GLRX3: variants seen among roughly 807,000 people sequenced by gnomAD.
GLRX3 encodes glutaredoxin 3.
Under a neutral mutation model 49.5 loss-of-function variants are expected in GLRX3, and 22 were observed. That is an observed-to-expected ratio of 0.44 (90% CI 0.32 to 0.63). GLRX3 has a LOEUF of 0.63. GLRX3 is among the 30% of genes least tolerant of loss of function. The pLI, the probability that GLRX3 is intolerant of heterozygous loss-of-function variation, is 0.05. For synonymous variants in GLRX3, 133 were observed against 140.0 expected (o/e 0.95, Z 0.35); for missense variants, 385 against 396.3 (o/e 0.97, Z 0.24).
At chr10:130,177,077 T>G (rs180690488) in intron 10 of GLRX3, among the ~76,000 whole-genome samples, 31 of 152,332 alleles carry the variant, frequency 2.0e-4, no homozygotes, top group Non-Finnish European at 3.8e-4. Context: ...TGAGAAGATA[T>G]ATGGAATAGA....
chr10:130,170,864 T>A (rs1862792667), intron 7 of GLRX3, among the ~76,000 whole-genome samples: 1 of 152,190 alleles, frequency 6.6e-6, no homozygotes, highest in African/African-American at 2.4e-5. Context: ...CTGGATGCGG[T>A]AGCTCATGCC....
chr10:130,175,474 A>G (rs1862898826), intron 10 of GLRX3, among the ~76,000 whole-genome samples: 1 of 152,204 alleles, frequency 6.6e-6, no homozygotes, highest in Non-Finnish European at 1.5e-5. Context: ...GGTGCTGCCC[A>G]TCCTTGCCAC....
rs1862703795 is a variant in GLRX3 at position 130,166,969 on chromosome 10, A to G, written c.702A>G (p.Lys234=). The change falls in exon 6 of 11, where the codon AAA becomes AAG. Residue 234 remains lysine (K), a synonymous_variant. Transcript: ENST00000331244. ...ATACAATTTGTCCCAAAGCTCCCAA[A>G]TTAGAGGAAAGGTAAGTGTTTTAGA... The part of the protein sequence containing the change: ...ELDTICPKAP[K]LEERLKVLTN... 1.9e-6 allele frequency: 3 copies of G among 1,581,446 alleles called. No individual in the cohort carries two copies. Among genetic ancestry groups the G allele is most frequent in the Non-Finnish European group, 2.6e-6 (3 of 1,157,546 alleles).
intron 2 of GLRX3, among the ~76,000 whole-genome samples, chr10:130,150,361 G>C (rs542272273): frequency 7.9e-5 from 12 of 152,172 alleles, no homozygotes; most frequent in Admixed American, 3.3e-4. Context: ...CATCCTGCTA[G>C]GCCATAGTAT....
chr10:130,160,902 A>G lies in GLRX3; in HGVS notation c.383A>G (p.His128Arg), dbSNP rs534630759. The change falls in exon 4 of 11, where the codon CAT becomes CGT. Residue 128 changes from histidine to arginine, a missense_variant. By Grantham distance (29) the His-to-Arg change is conservative (BLOSUM62 0). This residue lies in a region of GLRX3 where 374 missense variants were observed against 358.6 expected (regional missense o/e 1.04). Coordinates refer to ENST00000331244, the MANE Select transcript of GLRX3 (RefSeq NM_006541.5). ...TCCTTCCTACCCAGCGCTAATGAAC[A>G]TCTTAAAGAAGATCTCAACCTTCGC... ...SGSFLPSANE[H>R]LKEDLNLRLK... 7.4e-6 allele frequency: 12 copies of G among 1,613,334 alleles called. No individual in the cohort carries two copies. The East Asian group carries it at 2.2e-4, about 30-fold the overall frequency.
At position 130,169,416 on chromosome 10, in the gene GLRX3, C is replaced by T; in HGVS notation, c.714-17C>T. On this transcript the variant is annotated splice_polypyrimidine_tract_variant and intron_variant, in intron 6 of 10. Transcript: ENST00000331244. ...ATAATTGAGCTGAGCCGTTTTATAT[C>T]AATTTTCTCTCTTTAGGCTCAAAGT... 1 of 1,581,516 alleles carries T rather than the reference C, an allele frequency of 6.3e-7. No individual in the cohort carries two copies. The highest frequency in any genetic ancestry group is 8.7e-7 in the Non-Finnish European group (1 of 1,150,344).
intron 4 of GLRX3, among the ~76,000 whole-genome samples, chr10:130,161,517 TC>T (rs1422874731): frequency 6.6e-6 from 1 of 152,240 alleles, no homozygotes; most frequent in Non-Finnish European, 1.5e-5. Flanking sequence ...ATGATTCTCT[TC>T]CTGCATTGCT....
chr10:130,168,796 C>T (rs1446274706), intron 6 of GLRX3, among the ~76,000 whole-genome samples: 2 of 152,128 alleles, frequency 1.3e-5, no homozygotes, highest in Non-Finnish European at 2.9e-5. Context: ...TGGCGTGACC[C>T]CATGGGGCTT....
At chr10:130,165,443 G>C (rs1350157785) in intron 4 of GLRX3, among the ~76,000 whole-genome samples, 1 of 151,990 alleles carries the variant, frequency 6.6e-6, no homozygotes, top group African/African-American at 2.4e-5. Flanking sequence ...TGTCACAAAA[G>C]TATAATAAAA....
intron 10 of GLRX3, among the ~76,000 whole-genome samples, chr10:130,178,205 C>G (rs1338176986): frequency 6.6e-6 from 1 of 152,154 alleles, no homozygotes; most frequent in Non-Finnish European, 1.5e-5. Context: ...GGGAGGGGAA[C>G]AAGCATCATA....
In GLRX3 at chr10:130,175,448, G is replaced by A. The variant is rs574953868; in HGVS notation, c.957+359G>A. Reference sequence around the variant, plus strand: ...CTTGGGTGCATGGAGTGACAGCAGTGTGAGGCCTGTGGCCCGGTGCTGCCC... The same window carrying A: ...CTTGGGTGCATGGAGTGACAGCAGTATGAGGCCTGTGGCCCGGTGCTGCCC... On this transcript the variant is annotated intron_variant, in intron 10 of 10. Coordinates refer to ENST00000331244, the MANE Select transcript of GLRX3 (RefSeq NM_006541.5). 5.3e-5 allele frequency among the ~76,000 whole-genome samples: 8 copies of A among 152,336 alleles called. No homozygotes were observed. The East Asian group carries it at 1.5e-3, about 29-fold the overall frequency.
At position 130,166,495 on chromosome 10, in the gene GLRX3, T is replaced by C; in HGVS notation, c.479-12T>C. ...GAGAAGTTAAGTGCTTTATTTCTTT[T>C]TTTGTGTACAGGTTTCAGCAAGCAG... On this transcript the variant is annotated splice_polypyrimidine_tract_variant and intron_variant, in intron 4 of 10. Transcript: ENST00000331244. 1 of 1,606,974 alleles carries C rather than the reference T, an allele frequency of 6.2e-7. No individual in the cohort carries two copies. Among genetic ancestry groups the C allele is most frequent in the Non-Finnish European group, 8.5e-7 (1 of 1,174,152 alleles).
At chr10:130,176,774 T>TCTC (rs374416663) in intron 10 of GLRX3, among the ~76,000 whole-genome samples, 10 of 111,002 alleles carry the variant, frequency 9.0e-5, no homozygotes, top group African/African-American at 1.9e-4. Flanking sequence ...CCCTCCCTCT[T>TCTC]TCTCTCTCTC....
chr10:130,174,569 ACTGT>A (rs1159623424), intron 8 of GLRX3, among the ~76,000 whole-genome samples: 1 of 152,228 alleles, frequency 6.6e-6, no homozygotes, highest in Non-Finnish European at 1.5e-5. Flanking sequence ...TGCAGCAGAG[ACTGT>A]CTGGCCTGTA....
chr10:130,155,171 G>A (rs10829695), intron 2 of GLRX3, among the ~76,000 whole-genome samples: 15,199 of 152,192 alleles, frequency 0.1, 781 homozygotes, highest in Middle Eastern at 0.13. Context: ...CCAGCCATTG[G>A]GAGAGCTAGG....
In GLRX3 at chr10:130,145,327, T is replaced by C. The variant is rs1282965344; in HGVS notation, c.201+8T>C. Reference sequence around the variant, plus strand: ...CAAGTTTCATTTGTGAAGGTATTTATATTTCAATGTCATGTCTTTTGTGAA... The same window carrying C: ...CAAGTTTCATTTGTGAAGGTATTTACATTTCAATGTCATGTCTTTTGTGAA... On this transcript the variant is annotated splice_region_variant and intron_variant, in intron 2 of 10. Coordinates refer to ENST00000331244, the MANE Select transcript of GLRX3 (RefSeq NM_006541.5). 1.0e-5 allele frequency: 12 copies of C among 1,147,618 alleles called. No homozygotes were observed. Among genetic ancestry groups the C allele is most frequent in the Middle Eastern group, 4.0e-4 (2 of 4,946 alleles). 71.1% of individuals were successfully genotyped at this position (1,147,618 alleles called of 1,614,324 possible). A position where few individuals can be genotyped will look rare whatever the true frequency, so the allele number is the denominator to read the frequency against.
chr10:130,138,371 A>G (rs908562615), intron 1 of GLRX3, among the ~76,000 whole-genome samples: 24 of 152,208 alleles, frequency 1.6e-4, no homozygotes, highest in Middle Eastern at 6.8e-3. Flanking sequence ...GTTGATCTAA[A>G]TTGAGTGAAA....
chr10:130,154,776 G>T (rs138547519), intron 2 of GLRX3, among the ~76,000 whole-genome samples: 1 of 152,018 alleles, frequency 6.6e-6, no homozygotes, highest in Non-Finnish European at 1.5e-5. Flanking sequence ...ACTAAATGCC[G>T]CACAGTAGTC....
At chr10:130,145,081 C>T in intron 1 of GLRX3, 130 bp from the exon 2 acceptor site, 3 of 488,090 alleles carry the variant, frequency 6.1e-6, no homozygotes, top group East Asian at 6.0e-5. Flanking sequence ...CAACAAAATT[C>T]TAGCAATATG....
Sources: gnomAD v4.1 joint callset for allele counts (sites outside exome capture counted in the v4.1 genomes callset) on GRCh38, gnomAD v4.1.1 for gene constraint, gnomAD v4.1.1 regional missense constraint, MANE v1.5 for transcripts, NCBI Gene and HGNC (gene_info 2026-07-23, HGNC 2026-07-21) for gene names.